EPHB2: variants seen among roughly 807,000 people sequenced by gnomAD.
The protein encoded by EPHB2 is ephrin type-B receptor 2.
In EPHB2, 18 loss-of-function variants were observed where a neutral mutation model predicts 96.4. The ratio of observed to expected loss-of-function variants is 0.19; its 90% CI spans 0.13 to 0.28. The LOEUF is 0.28. Among genes scored for constraint, EPHB2 ranks in the 10% least tolerant of loss-of-function variants. The probability of loss-of-function intolerance (pLI) is 1.00; values close to 1 mark genes in which losing one functional copy is unlikely to be tolerated. For synonymous variants in EPHB2, 506 were observed against 534.1 expected (o/e 0.95, Z 0.72); for missense variants, 989 against 1,355.4 (o/e 0.73, Z 4.25).
At chr1:22,891,795 G>A (rs968789) in intron 6 of EPHB2, among the ~76,000 whole-genome samples, 1 of 147,232 alleles carries the variant, frequency 6.8e-6, no homozygotes. Context: ...TTTTTTTTTT[G>A]TTGTTGTTGT....
intron 3 of EPHB2, among the ~76,000 whole-genome samples, chr1:22,831,738 A>G (rs994627430): frequency 1.6e-4 from 25 of 152,108 alleles, no homozygotes; most frequent in Admixed American, 6.5e-5. Flanking sequence ...CCGTGGCAGT[A>G]GGTGGGAGAT....
At chr1:22,911,044 G>A (rs1270290688) in intron 14 of EPHB2, among the ~76,000 whole-genome samples, 1 of 152,062 alleles carries the variant, frequency 6.6e-6, no homozygotes, top group Admixed American at 6.5e-5. Flanking sequence ...GGAGGCTGAG[G>A]CAGGAGAATC....
At chr1:22,749,632 A>G (rs1328037816) in intron 1 of EPHB2, among the ~76,000 whole-genome samples, 1 of 152,104 alleles carries the variant, frequency 6.6e-6, no homozygotes, top group Non-Finnish European at 1.5e-5. Context: ...GGGAAGGGGA[A>G]AGGAAGGTGA....
rs536533669 is a variant in EPHB2, at chr1:22,790,593, T to C, written c.811+5517T>C. ...CCTGTCTCCAGATCCCTGTTCTCCT[T>C]GGTCTCTCCTTACCCACCTCAGTCC... On this transcript the variant is annotated intron_variant, in intron 3 of 15. Coordinates refer to ENST00000374630, the MANE Select transcript of EPHB2 (RefSeq NM_017449.5). This position sits in a 1 kb window ranked among gnomAD's most constrained non-coding sequence, Gnocchi z 4.0. 1.3e-5 allele frequency among the ~76,000 whole-genome samples: 2 copies of C among 152,292 alleles called. No individual in the cohort carries two copies. Among genetic ancestry groups the C allele is most frequent in the African/African-American group, 4.8e-5 (2 of 41,566 alleles).
chr1:22,766,099 G>A lies in EPHB2; in HGVS notation c.62-15322G>A, dbSNP rs753598849. On this transcript the variant is annotated intron_variant, in intron 1 of 15. Transcript: ENST00000374630. ...TAATTGCAAGTTTAAATAAGGCCAA[G>A]TGAACACTCCCTCCCAGGCCCAGCA... Among the ~76,000 whole-genome samples the A allele has an allele frequency of 1.4e-4, 22 of 152,304 alleles. No individual in the cohort carries two copies. In the South Asian group the frequency reaches 1.9e-3, roughly 13 times the overall value.
In EPHB2 at chr1:22,744,460, T is replaced by TTA. The variant is rs147549580; in HGVS notation, c.61+33432_61+33433dup. On this transcript the variant is annotated intron_variant, in intron 1 of 15. Coordinates refer to ENST00000374630, the MANE Select transcript of EPHB2 (RefSeq NM_017449.5). ...ATATATATGTTATATATTTTGTATG[T>TTA]TATATATATATATATAATATACTGT... is the stretch of plus-strand genomic sequence containing the variant. Among the ~76,000 whole-genome samples the TTA allele has an allele frequency of 6.1e-3, 903 of 146,912 alleles. 8 individuals are homozygous for TTA. The highest frequency in any genetic ancestry group is 7.0e-3 in the African/African-American group (281 of 40,310).
Position 22,892,991 on chromosome 1 carries a change from C to A in EPHB2, c.1536C>A (p.Thr512=), listed in dbSNP as rs142703174. 1 of 1,614,198 alleles carries A rather than the reference C, an allele frequency of 6.2e-7. No individual in the cohort carries two copies. The highest frequency in any genetic ancestry group is 1.7e-5 in the Admixed American group (1 of 60,030). ...ATGTCTTCCAGGTGCGGGCACGCAC[C>A]GTGGCAGGTTACGGGCGCTACAGCG... The part of the protein sequence containing the change: ...AIYVFQVRAR[T]VAGYGRYSGK... Residue 512 remains threonine (T), a synonymous_variant, in exon 7 of 16, where the codon ACC becomes ACA. Transcript: ENST00000374630.
chr1:22,906,222 C>T lies in EPHB2; in HGVS notation c.1888+113C>T. ...GATGTGGGACAGGCGCCTCAAAGGA[C>T]CCCCCAAGGCCTGAAGGTTCAGAAT... On this transcript the variant is annotated intron_variant, in intron 10 of 15. Transcript: ENST00000374630. The surrounding 1 kb of genome is among the most constrained non-coding windows in gnomAD (Gnocchi z 4.8). The T allele has an allele frequency of 6.7e-7, 1 of 1,500,014 alleles. No homozygotes were observed. The highest frequency in any genetic ancestry group is 9.1e-7 in the Non-Finnish European group (1 of 1,097,118). 92.9% of individuals were successfully genotyped at this position (1,500,014 alleles called of 1,614,324 possible). A position where few individuals can be genotyped will look rare whatever the true frequency, so the allele number is the denominator to read the frequency against.
intron 1 of EPHB2, among the ~76,000 whole-genome samples, chr1:22,776,283 C>A (rs1176218687): frequency 3.3e-5 from 5 of 152,230 alleles, no homozygotes; most frequent in African/African-American, 9.6e-5. Flanking sequence ...TCCCCACTCA[C>A]CCAGTCTTTA....
intron 1 of EPHB2, among the ~76,000 whole-genome samples, chr1:22,773,225 G>A (rs1326006399): frequency 6.6e-6 from 1 of 152,260 alleles, no homozygotes; most frequent in Non-Finnish European, 1.5e-5. Context: ...TCAGAGAGGA[G>A]AAGTGACTCT....
chr1:22,897,158 A>T (rs527351034), intron 9 of EPHB2, among the ~76,000 whole-genome samples: 283 of 152,158 alleles, frequency 1.9e-3, no homozygotes, highest in Non-Finnish European at 1.9e-3. Context: ...AGGGCTGGGG[A>T]TGTATGTGCC....
chr1:22,813,539 G>A (rs1298209130), intron 3 of EPHB2, among the ~76,000 whole-genome samples: 2 of 152,246 alleles, frequency 1.3e-5, no homozygotes, highest in African/African-American at 2.4e-5. Flanking sequence ...GCTGAGGTGG[G>A]TGCTGGCAGA....
At chr1:22,756,306 C>T (rs1212010397) in intron 1 of EPHB2, among the ~76,000 whole-genome samples, 6 of 152,146 alleles carry the variant, frequency 3.9e-5, no homozygotes, top group South Asian at 4.2e-4. Flanking sequence ...ATGGGGGCAG[C>T]GGAAGGGTCC....
chr1:22,854,309 A>C (rs1319337676), intron 3 of EPHB2, among the ~76,000 whole-genome samples: 1 of 152,114 alleles, frequency 6.6e-6, no homozygotes, highest in Non-Finnish European at 1.5e-5. Context: ...CCAAGAGTTC[A>C]AGACCAGCCT....
At chr1:22,796,232 G>A (rs113593012) in intron 3 of EPHB2, among the ~76,000 whole-genome samples, 4 of 152,142 alleles carry the variant, frequency 2.6e-5, no homozygotes, top group Non-Finnish European at 4.4e-5. Context: ...TGATTAGGAC[G>A]ACGGGGAGAA....
intron 1 of EPHB2, among the ~76,000 whole-genome samples, chr1:22,762,005 A>G (rs2148395678): frequency 6.6e-6 from 1 of 152,378 alleles, no homozygotes; most frequent in East Asian, 1.9e-4. Flanking sequence ...CCAATAAAAG[A>G]AAATGAAAAT....
At position 22,896,303 on chromosome 1, in the gene EPHB2, G is replaced by A. The variant is rs1241675257; in HGVS notation, c.1701-111G>A. On this transcript the variant is annotated intron_variant, in intron 8 of 15. Transcript: ENST00000374630. ...AAAAGGGGCAGGCAGGGAGCCCTCT[G>A]GCAGGGGTGTGGCTTCTAGGGCCTG... 7 of 1,396,918 alleles carry A rather than the reference G, an allele frequency of 5.0e-6. No individual in the cohort carries two copies. In the East Asian group the frequency reaches 1.2e-4, roughly 23 times the overall value. The allele number at this position is 1,396,918 out of a possible 1,614,324, so 86.5% of individuals were successfully genotyped here. A position where few individuals can be genotyped will look rare whatever the true frequency, so the allele number is the denominator to read the frequency against.
intron 9 of EPHB2, among the ~76,000 whole-genome samples, chr1:22,899,193 C>CA (rs34967134): frequency 0.035 from 4,008 of 115,104 alleles, 150 homozygotes; most frequent in African/African-American, 0.1. Context: ...AACGCCATCT[C>CA]AAAAAAAAAA....
chr1:22,730,692 CAG>C (rs572303362), intron 1 of EPHB2, among the ~76,000 whole-genome samples: 35 of 151,890 alleles, frequency 2.3e-4, no homozygotes, highest in Non-Finnish European at 4.0e-4. Context: ...GGCCCTGTGA[CAG>C]GGGTGTGCAA....
Sources: gnomAD v4.1 joint callset for allele counts (sites outside exome capture counted in the v4.1 genomes callset) on GRCh38, gnomAD v4.1.1 for gene constraint, Gnocchi (gnomAD v3.1) non-coding constraint, MANE v1.5 for transcripts, NCBI Gene and HGNC (gene_info 2026-07-23, HGNC 2026-07-21) for gene names.